Variants in KIAA1671 observed in about 807,000 individuals in gnomAD.
KIAA1671 encodes the protein uncharacterized protein KIAA1671.
Under a neutral mutation model 131.2 loss-of-function variants are expected in KIAA1671, and 52 were observed. That is an observed-to-expected ratio of 0.40 (90% CI 0.32 to 0.50). KIAA1671 has a LOEUF of 0.50. Among genes scored for constraint, KIAA1671 ranks in the 20% least tolerant of loss-of-function variants. KIAA1671 has a pLI of 0.73. For missense variants in KIAA1671, 2,360 were observed against 2,364.2 expected (o/e 1.00, Z 0.04); for synonymous variants, 1,003 against 961.6 (o/e 1.04, Z -0.80).
chr22:25,120,533 G>T (rs1198301443), intron 6 of KIAA1671, among the ~76,000 whole-genome samples: 1 of 152,170 alleles, frequency 6.6e-6, no homozygotes, highest in Non-Finnish European at 1.5e-5. Flanking sequence ...GCTCCACAGG[G>T]ATCTGCTTTT....
intron 6 of KIAA1671, among the ~76,000 whole-genome samples, chr22:25,100,645 C>T (rs113577822): frequency 0.018 from 2,674 of 152,318 alleles, 32 homozygotes; most frequent in Middle Eastern, 0.051. Flanking sequence ...GAGATTACAG[C>T]CTTCCTGGGT....
chr22:24,993,670 C>T (rs1011738750), intron 1 of KIAA1671, among the ~76,000 whole-genome samples: 5 of 152,216 alleles, frequency 3.3e-5, no homozygotes, highest in South Asian at 4.1e-4. Context: ...CTAAACTCCA[C>T]GTAAACAGGA....
At chr22:24,953,923 C>T (rs1921555068) in intron 1 of KIAA1671, among the ~76,000 whole-genome samples, 1 of 152,056 alleles carries the variant, frequency 6.6e-6, no homozygotes, top group South Asian at 2.1e-4. Context: ...GGGCAAAACA[C>T]TTAACCTATC....
chr22:24,980,994 G>A (rs1252865190), intron 1 of KIAA1671, among the ~76,000 whole-genome samples: 1 of 151,968 alleles, frequency 6.6e-6, no homozygotes, highest in Non-Finnish European at 1.5e-5. Flanking sequence ...TGATCTGCCT[G>A]CCTTGGCCTC....
chr22:25,067,817 G>A (rs1253710066), intron 6 of KIAA1671, among the ~76,000 whole-genome samples: 1 of 152,224 alleles, frequency 6.6e-6, no homozygotes, highest in Non-Finnish European at 1.5e-5. Flanking sequence ...GGCCCTGGCG[G>A]GCCCCTGTGT....
At chr22:25,180,731 C>T (rs964660207) in intron 9 of KIAA1671, among the ~76,000 whole-genome samples, 2 of 152,170 alleles carry the variant, frequency 1.3e-5, no homozygotes, top group Non-Finnish European at 2.9e-5. Context: ...TGCTTCTGAC[C>T]AGATACCTTA....
rs796174884 is a variant in KIAA1671, at chr22:25,157,830, T to TA, written c.4531-12990_4531-12989insA. Reference sequence around the variant, plus strand: ...TTTTTTTTCCTGTTCTTTTTATTTTTTTTTTTATTCAGATGGAGTCTCCCT... The same window carrying TA: ...TTTTTTTTCCTGTTCTTTTTATTTTTATTTTTTATTCAGATGGAGTCTCCCT... On this transcript the variant is annotated intron_variant, in intron 6 of 12. Transcript: ENST00000358431. 1.2e-3 allele frequency among the ~76,000 whole-genome samples: 187 copies of TA among 152,172 alleles called. 1 individual carries two copies. Among genetic ancestry groups the TA allele is most frequent in the African/African-American group, 4.4e-3 (182 of 41,510 alleles).
At chr22:25,051,141 T>G (rs2145821925) in intron 6 of KIAA1671, 1 of 152,266 alleles carries the variant, frequency 6.6e-6, no homozygotes, top group African/African-American at 2.4e-5. Flanking sequence ...CAGAGGTAGG[T>G]GGGTGGAGGG....
chr22:25,116,435 G>T (rs189883413), intron 6 of KIAA1671, among the ~76,000 whole-genome samples: 1 of 149,440 alleles, frequency 6.7e-6, no homozygotes, highest in African/African-American at 2.5e-5. Context: ...ATGTATGTAC[G>T]TATTGAGATG....
At chr22:25,144,029 A>T (rs1171092251) in intron 6 of KIAA1671, among the ~76,000 whole-genome samples, 1 of 152,174 alleles carries the variant, frequency 6.6e-6, no homozygotes, top group East Asian at 1.9e-4. Flanking sequence ...TGAACTAAAA[A>T]AAATGAGAAT....
intron 6 of KIAA1671, among the ~76,000 whole-genome samples, chr22:25,145,090 C>T (rs7289783): frequency 0.074 from 11,221 of 152,212 alleles, 1,337 homozygotes; most frequent in African/African-American, 0.25. Flanking sequence ...GATGGTGGAT[C>T]CCTGAGGTCC....
At chr22:25,067,104 G>A (rs1424534170) in intron 6 of KIAA1671, among the ~76,000 whole-genome samples, 2 of 152,118 alleles carry the variant, frequency 1.3e-5, no homozygotes, top group Non-Finnish European at 2.9e-5. Flanking sequence ...GGCACTGGGG[G>A]CAGCTTCTCC....
chr22:24,985,785 A>C (rs1201126351), intron 1 of KIAA1671, among the ~76,000 whole-genome samples: 2 of 151,346 alleles, frequency 1.3e-5, no homozygotes, highest in Non-Finnish European at 2.9e-5. Context: ...GAGGGGAGAG[A>C]GAGAGAGAGA....
intron 5 of KIAA1671, among the ~76,000 whole-genome samples, chr22:25,048,191 G>A (rs1927350490): frequency 2.0e-5 from 3 of 152,234 alleles, no homozygotes; most frequent in South Asian, 2.1e-4. Flanking sequence ...TTTTGAGCAC[G>A]TGGATCTGAG....
At chr22:25,070,701 C>T (rs764972311) in intron 6 of KIAA1671, among the ~76,000 whole-genome samples, 3 of 151,798 alleles carry the variant, frequency 2.0e-5, no homozygotes, top group Middle Eastern at 3.4e-3. Context: ...ACAGGAAGAA[C>T]GAGAACCACT....
intron 8 of KIAA1671, chr22:25,176,555 T>C (rs914779212): frequency 6.6e-6 from 1 of 152,228 alleles, no homozygotes; most frequent in African/African-American, 2.4e-5. Context: ...TTTTTATAAA[T>C]AGGGACACCC....
Position 25,185,053 on chromosome 22 carries a change from A to G in KIAA1671, c.5276A>G (p.Lys1759Arg), listed in dbSNP as rs1934426415. ...PSWAPQPKSPKSPFQPGVLGS... is the reference protein window; with the variant it reads ...PSWAPQPKSPRSPFQPGVLGS... ...TGGGCACCCCAACCCAAGAGCCCCA[A>G]GTCCCCCTTCCAGCCTGGGGTGCTG... The change falls in exon 11 of 13, where the codon AAG becomes AGG. Residue 1759 changes from lysine to arginine, a missense_variant. Physicochemically the swap from Lys to Arg is conservative, Grantham distance 26. Coordinates refer to ENST00000358431, the MANE Select transcript of KIAA1671 (RefSeq NM_001145206.2). 6.4e-7 allele frequency: 1 copy of G among 1,551,534 alleles called. No homozygotes were observed. The highest frequency in any genetic ancestry group is 8.7e-7 in the Non-Finnish European group (1 of 1,146,988).
chr22:25,189,472 G>A (rs1264426016), intron 11 of KIAA1671, among the ~76,000 whole-genome samples: 2 of 152,104 alleles, frequency 1.3e-5, no homozygotes, highest in African/African-American at 2.4e-5. Context: ...CGTGCCTGGC[G>A]AGGCCAGTCT....
intron 6 of KIAA1671, among the ~76,000 whole-genome samples, chr22:25,076,735 C>G (rs1381730331): frequency 6.6e-6 from 1 of 152,204 alleles, no homozygotes; most frequent in Non-Finnish European, 1.5e-5. Flanking sequence ...TTATCAATTA[C>G]AGCAGTAGTA....
Sources: gnomAD v4.1 joint callset for allele counts (sites outside exome capture counted in the v4.1 genomes callset) on GRCh38, gnomAD v4.1.1 for gene constraint, MANE v1.5 for transcripts, NCBI Gene and HGNC (gene_info 2026-07-23, HGNC 2026-07-21) for gene names.